Variants in TBL1X observed in about 807,000 individuals in gnomAD.
TBL1X encodes the protein transducin beta like 1 X-linked, also known as F-box-like/WD repeat-containing protein TBL1X.
Under a neutral mutation model 50.7 loss-of-function variants are expected in TBL1X, and 10 were observed. The ratio of observed to expected loss-of-function variants is 0.20; its 90% CI spans 0.12 to 0.33. The LOEUF is 0.33. Ranked by LOEUF, TBL1X falls within the 10% of genes least tolerant of loss-of-function variation. TBL1X has a pLI of 1.00. For missense variants in TBL1X, 340 were observed against 504.4 expected (o/e 0.67, Z 3.12); for synonymous variants, 190 against 214.7 (o/e 0.88, Z 1.01).
At chrX:9,665,724 A>G (rs1402216373) in intron 5 of TBL1X, among the ~76,000 whole-genome samples, 1 of 103,599 alleles carries the variant, frequency 9.7e-6, no homozygotes, top group Non-Finnish European at 2.0e-5. Flanking sequence ...GAGGTGCCAC[A>G]TACCCTGTTT....
At chrX:9,640,126 G>A (rs771028626) in intron 2 of TBL1X, 147 bp from the exon 3 acceptor site, 21 of 111,881 alleles carry the variant, frequency 1.9e-4, no homozygotes, top group African/African-American at 6.8e-4. Flanking sequence ...TCTGTGCTAT[G>A]GACTAAGACA....
At chrX:9,466,053 C>T (rs779010706) in intron 1 of TBL1X, among the ~76,000 whole-genome samples, 15 of 112,915 alleles carry the variant, frequency 1.3e-4, no homozygotes, top group African/African-American at 4.8e-4. Context: ...GAGCCCCAGT[C>T]CTCCGCCCAT....
intron 1 of TBL1X, among the ~76,000 whole-genome samples, chrX:9,492,875 GT>G (rs2081952638): frequency 4.0e-5 from 2 of 49,650 alleles, no homozygotes; most frequent in African/African-American, 8.1e-5. Context: ...GTGTGTGTGT[GT>G]GTGTGTGTGT....
At chrX:9,485,957 T>C (rs765242805) in intron 1 of TBL1X, among the ~76,000 whole-genome samples, 1 of 111,028 alleles carries the variant, frequency 9.0e-6, no homozygotes, top group East Asian at 2.8e-4. Flanking sequence ...TGGTCAACCA[T>C]CTGAAGGGAC....
At chrX:9,599,855 G>A (rs1601785643) in intron 2 of TBL1X, among the ~76,000 whole-genome samples, 1 of 112,402 alleles carries the variant, frequency 8.9e-6, no homozygotes, top group African/African-American at 3.2e-5. Context: ...TACATTATAT[G>A]TTAGAATACC....
At chrX:9,466,905 C>T (rs892582789) in intron 1 of TBL1X, among the ~76,000 whole-genome samples, 5 of 111,981 alleles carry the variant, frequency 4.5e-5, no homozygotes, top group Non-Finnish European at 7.5e-5. Flanking sequence ...ACTGGATCAC[C>T]GGCCCTTAAG....
intron 1 of TBL1X, among the ~76,000 whole-genome samples, chrX:9,479,478 AAAAT>A (rs2081867847): frequency 8.9e-6 from 1 of 112,738 alleles, no homozygotes; most frequent in Non-Finnish European, 1.9e-5. Flanking sequence ...GGCTTAAAGA[AAAAT>A]AAGCACTTAA....
At chrX:9,467,990 C>G (rs898526911) in intron 1 of TBL1X, among the ~76,000 whole-genome samples, 3 of 112,685 alleles carry the variant, frequency 2.7e-5, no homozygotes, top group African/African-American at 9.7e-5. Context: ...AGCTGGCCCC[C>G]TCCCACACAG....
intron 1 of TBL1X, among the ~76,000 whole-genome samples, chrX:9,474,620 C>T (rs776607848): frequency 1.8e-5 from 2 of 113,084 alleles, no homozygotes; most frequent in Non-Finnish European, 3.7e-5. Flanking sequence ...ATGACAGTAC[C>T]TGTTTGCAGG....
chrX:9,539,796 T>C lies in TBL1X; in HGVS notation c.-131+37947T>C, dbSNP rs150863672. Among the ~76,000 whole-genome samples the C allele has an allele frequency of 7.7e-3, 859 of 112,171 alleles. 7 individuals carry two copies. Among genetic ancestry groups the C allele is most frequent in the African/African-American group, 0.026 (813 of 30,866 alleles). ...AGTCAAACAGGTGAAGACTGGGTTA[T>C]TACATCTTCCCACTCCACCCCCTTC... On this transcript the variant is annotated intron_variant, in intron 2 of 17. Transcript: ENST00000645353.
chrX:9,687,362 G>A (rs1227373035), intron 6 of TBL1X, among the ~76,000 whole-genome samples: 2 of 112,357 alleles, frequency 1.8e-5, no homozygotes, highest in Non-Finnish European at 3.8e-5. Flanking sequence ...GATGGACTTG[G>A]AATCCAGGCC....
intron 2 of TBL1X, 34 bp downstream of exon 2, chrX:9,501,883 G>C (rs41305195): frequency 6.4e-5 from 7 of 109,916 alleles, no homozygotes; most frequent in Non-Finnish European, 1.3e-4. Flanking sequence ...TTCTTGCCTC[G>C]TTGGAAATTC....
chrX:9,672,903 T>C (rs73188229), intron 5 of TBL1X, among the ~76,000 whole-genome samples: 20,340 of 111,937 alleles, frequency 0.18, 1,450 homozygotes, highest in Non-Finnish European at 0.22. Context: ...CAGAGATTTT[T>C]TTCTCACATT....
intron 1 of TBL1X, among the ~76,000 whole-genome samples, chrX:9,482,746 T>G (rs910889026): frequency 9.0e-6 from 1 of 110,770 alleles, no homozygotes; most frequent in Non-Finnish European, 1.9e-5. Flanking sequence ...ATAAGGTGTA[T>G]GAAAGCCAAA....
chrX:9,709,915 A>G (rs758630243), intron 15 of TBL1X, among the ~76,000 whole-genome samples, 155 bp downstream of exon 15: 1 of 112,756 alleles, frequency 8.9e-6, no homozygotes, highest in Non-Finnish European at 1.9e-5. Context: ...ACCGAGTAAC[A>G]CCTGCCTTTG....
intron 2 of TBL1X, among the ~76,000 whole-genome samples, chrX:9,508,822 C>A (rs1393457444): frequency 9.0e-6 from 1 of 111,008 alleles, no homozygotes; most frequent in Admixed American, 9.6e-5. Flanking sequence ...TCATCCTCAG[C>A]AAACTAGCAC....
At chrX:9,529,907 G>T (rs1045534005) in intron 2 of TBL1X, among the ~76,000 whole-genome samples, 1 of 110,994 alleles carries the variant, frequency 9.0e-6, no homozygotes, top group Non-Finnish European at 1.9e-5. Context: ...TGGCACTCCA[G>T]CCTGGACCAC....
intron 2 of TBL1X, among the ~76,000 whole-genome samples, chrX:9,608,991 G>A (rs774835712): frequency 4.5e-5 from 5 of 111,608 alleles, no homozygotes; most frequent in African/African-American, 1.3e-4. Context: ...AAACTTTAGC[G>A]TCATAAAAAT....
chrX:9,629,285 A>G (rs2082708603), intron 2 of TBL1X, among the ~76,000 whole-genome samples: 1 of 112,564 alleles, frequency 8.9e-6, no homozygotes, highest in Non-Finnish European at 1.9e-5. Context: ...GTTTGCATAA[A>G]CACACCCATT....
Sources: gnomAD v4.1 joint callset for allele counts (sites outside exome capture counted in the v4.1 genomes callset) on GRCh38, gnomAD v4.1.1 for gene constraint, MANE v1.5 for transcripts, NCBI Gene and HGNC (gene_info 2026-07-23, HGNC 2026-07-21) for gene names.